Variants in FAM13A observed in about 807,000 individuals in gnomAD.
FAM13A encodes the protein family with sequence similarity 13 member A.
Under a neutral mutation model 129.6 loss-of-function variants are expected in FAM13A, and 76 were observed. That is an observed-to-expected ratio of 0.59 (90% CI 0.49 to 0.71). The LOEUF (loss-of-function observed/expected upper bound fraction) is 0.71. Among genes scored for constraint, FAM13A ranks in the 30% least tolerant of loss-of-function variants. The pLI is 0.00. For missense variants in FAM13A, 1,108 were observed against 1,249.3 expected (o/e 0.89, Z 1.70); for synonymous variants, 443 against 449.9 (o/e 0.98, Z 0.20).
chr4:88,971,076 C>T (rs761268986), intron 4 of FAM13A, among the ~76,000 whole-genome samples: 12 of 152,172 alleles, frequency 7.9e-5, no homozygotes, highest in South Asian at 2.1e-4. Context: ...GGCGTGGTGG[C>T]GGGCGCCTGT....
At chr4:88,852,960 G>A (rs984768585) in intron 6 of FAM13A, among the ~76,000 whole-genome samples, 3 of 151,838 alleles carry the variant, frequency 2.0e-5, no homozygotes, top group South Asian at 2.1e-4. Flanking sequence ...AACAACACAC[G>A]CAAACAAAAT....
intron 5 of FAM13A, among the ~76,000 whole-genome samples, chr4:88,914,763 G>A (rs1749796617): frequency 6.6e-6 from 1 of 152,194 alleles, no homozygotes; most frequent in African/African-American, 2.4e-5. Flanking sequence ...TATTTGATCA[G>A]TGTATTCTAG....
chr4:88,968,553 T>C (rs1357168579), intron 4 of FAM13A, among the ~76,000 whole-genome samples: 1 of 152,214 alleles, frequency 6.6e-6, no homozygotes, highest in African/African-American at 2.4e-5. Context: ...TAATCTTTTT[T>C]TCTGCCCTAT....
rs567874861 is a variant in FAM13A, at chr4:89,008,563, T to C, written c.427+11897A>G. Among the ~76,000 whole-genome samples, 47 of 152,330 alleles carry C rather than the reference T, an allele frequency of 3.1e-4. 1 individual carries two copies. The South Asian group carries it at 9.5e-3, about 31-fold the overall frequency. ...ATTATTCTGTTATGGTGGCCCTAGC[T>C]GATTAATACAAGCAGTATAAAATAA... On this transcript the variant is annotated intron_variant, in intron 3 of 23. Coordinates refer to ENST00000264344, the MANE Select transcript of FAM13A (RefSeq NM_014883.4).
chr4:88,992,399 C>T (rs9307060), intron 3 of FAM13A, among the ~76,000 whole-genome samples: 105,533 of 151,714 alleles, frequency 0.7, 36,809 homozygotes, highest in Middle Eastern at 0.79. Context: ...CTTGAGTAGC[C>T]GGGATTGATT....
At chr4:88,797,754 T>C (rs372702571) in intron 8 of FAM13A, among the ~76,000 whole-genome samples, 9 of 152,194 alleles carry the variant, frequency 5.9e-5, no homozygotes, top group East Asian at 3.8e-4. Flanking sequence ...GTTCTTTCTG[T>C]ATCCCCAGCC....
chr4:88,836,005 A>AT (rs140310558), intron 7 of FAM13A, among the ~76,000 whole-genome samples: 47 of 152,020 alleles, frequency 3.1e-4, no homozygotes, highest in African/African-American at 7.0e-4. Context: ...CTTAAAACAA[A>AT]TTTTTTTTGC....
chr4:88,853,610 A>G (rs1737992391), intron 6 of FAM13A, among the ~76,000 whole-genome samples: 3 of 152,236 alleles, frequency 2.0e-5, no homozygotes, highest in Admixed American at 2.0e-4. Context: ...GCACAAGGAC[A>G]GTTGTTTGAC....
intron 6 of FAM13A, among the ~76,000 whole-genome samples, chr4:88,904,531 T>C (rs575158086): frequency 5.3e-4 from 80 of 152,152 alleles, no homozygotes; most frequent in African/African-American, 1.9e-3. Context: ...AAACCAAACA[T>C]TGCATGTTCT....
intron 6 of FAM13A, among the ~76,000 whole-genome samples, chr4:88,870,528 C>T (rs1468734782): frequency 6.6e-6 from 1 of 152,228 alleles, no homozygotes; most frequent in Non-Finnish European, 1.5e-5. Flanking sequence ...GAGCCTTGCT[C>T]ATTGCTAGTG....
intron 6 of FAM13A, among the ~76,000 whole-genome samples, chr4:88,864,393 A>G (rs913038451): frequency 6.6e-6 from 1 of 152,094 alleles, no homozygotes; most frequent in Non-Finnish European, 1.5e-5. Context: ...CTAGCATTTC[A>G]TTGTGTTTGT....
At chr4:88,977,778 C>CACT (rs1320797586) in intron 4 of FAM13A, among the ~76,000 whole-genome samples, 1 of 152,120 alleles carries the variant, frequency 6.6e-6, no homozygotes, top group Non-Finnish European at 1.5e-5. Context: ...TACTTACTAA[C>CACT]ACTAATAGCT....
At chr4:88,799,549 A>G (rs943577629) in intron 8 of FAM13A, among the ~76,000 whole-genome samples, 1 of 151,878 alleles carries the variant, frequency 6.6e-6, no homozygotes, top group Admixed American at 6.5e-5. Flanking sequence ...CCATGGCACA[A>G]TCTCGGCTCA....
At chr4:88,731,218 G>C (rs1343154366) in intron 23 of FAM13A, 109 bp downstream of exon 23, 1 of 628,708 alleles carries the variant, frequency 1.6e-6, no homozygotes, top group African/African-American at 1.9e-5. Flanking sequence ...GGAGGATGCA[G>C]AAGAGTCCCC....
chr4:89,033,136 ACT>A (rs34237387), intron 1 of FAM13A, among the ~76,000 whole-genome samples: 380 of 149,538 alleles, frequency 2.5e-3, no homozygotes, highest in African/African-American at 5.1e-3. Flanking sequence ...ACACACACAC[ACT>A]CTCTCTCTCT....
At chr4:88,802,374 T>C (rs1340798741) in intron 8 of FAM13A, among the ~76,000 whole-genome samples, 2 of 151,946 alleles carry the variant, frequency 1.3e-5, no homozygotes, top group East Asian at 1.9e-4. Flanking sequence ...TGATAGCTAC[T>C]GTTTCCTTCC....
chr4:88,742,517 A>G (rs766706932), intron 19 of FAM13A, among the ~76,000 whole-genome samples: 19 of 152,196 alleles, frequency 1.2e-4, no homozygotes, highest in Non-Finnish European at 2.5e-4. Flanking sequence ...GAGGTAAGAG[A>G]AAGGTAAGAA....
chr4:88,774,953 G>T (rs529952437), intron 11 of FAM13A, among the ~76,000 whole-genome samples: 4 of 152,222 alleles, frequency 2.6e-5, no homozygotes, highest in Admixed American at 2.6e-4. Context: ...AGTATTCTCT[G>T]GGGTGAACTG....
Position 88,727,428 on chromosome 4 carries a change from C to A in FAM13A, c.*1105G>T, listed in dbSNP as rs1443525459. ...TATAATTGGCCACACAGCATGACTT[C>A]TTTTTTTTCTTTTTATACATGATCT... On this transcript the variant is annotated 3_prime_UTR_variant, in exon 24 of 24. Coordinates refer to ENST00000264344, the MANE Select transcript of FAM13A (RefSeq NM_014883.4). 1 of 152,454 alleles carries A rather than the reference C, an allele frequency of 6.6e-6. No homozygotes were observed. Among genetic ancestry groups the A allele is most frequent in the South Asian group, 2.1e-4 (1 of 4,818 alleles). The allele number at this position is 152,454 out of a possible 1,614,324, so 9.4% of individuals were successfully genotyped here.
Sources: allele counts gnomAD v4.1 joint callset (sites outside exome capture counted in the v4.1 genomes callset), GRCh38; gene constraint gnomAD v4.1.1; transcripts MANE v1.5; gene names NCBI Gene and HGNC (gene_info 2026-07-23, HGNC 2026-07-21).